Variants in LRRC4C observed in about 807,000 individuals in gnomAD.
LRRC4C encodes the protein leucine-rich repeat-containing protein 4C.
Under a neutral mutation model 33.6 loss-of-function variants are expected in LRRC4C, and 5 were observed. The ratio of observed to expected loss-of-function variants is 0.15; its 90% CI spans 0.08 to 0.31. The LOEUF is 0.31. Ranked by LOEUF, LRRC4C falls within the 10% of genes least tolerant of loss-of-function variation. The pLI is 1.00. For missense variants in LRRC4C, 560 were observed against 796.7 expected, an observed-to-expected ratio of 0.70 and a Z score of 3.58; for synonymous variants, 329 against 302.0, an observed-to-expected ratio of 1.09 and a Z score of -0.93.
intron 2 of LRRC4C, among the ~76,000 whole-genome samples, chr11:40,714,408 G>T (rs11036034): frequency 6.6e-6 from 1 of 151,914 alleles, no homozygotes; most frequent in Non-Finnish European, 1.5e-5. Context: ...ATCTCACAGC[G>T]TGCCTTGGAC....
At chr11:40,803,489 A>G (rs761058708) in intron 2 of LRRC4C, among the ~76,000 whole-genome samples, 1 of 152,180 alleles carries the variant, frequency 6.6e-6, no homozygotes, top group Non-Finnish European at 1.5e-5. Flanking sequence ...GGTTCAATAA[A>G]ATGCATCATC....
chr11:40,999,733 A>G (rs1426617416), intron 1 of LRRC4C, among the ~76,000 whole-genome samples: 5 of 152,190 alleles, frequency 3.3e-5, no homozygotes, highest in African/African-American at 1.2e-4. Context: ...CATGGCAACA[A>G]GCAATGAAAA....
chr11:40,218,533 A>G (rs1590738837), intron 5 of LRRC4C, among the ~76,000 whole-genome samples: 1 of 152,256 alleles, frequency 6.6e-6, no homozygotes, highest in East Asian at 1.9e-4. Flanking sequence ...CAGAGGAACT[A>G]AGAGACCCAT....
chr11:40,411,610 G>A (rs1950158663), intron 3 of LRRC4C, among the ~76,000 whole-genome samples: 1 of 152,008 alleles, frequency 6.6e-6, no homozygotes, highest in African/African-American at 2.4e-5. Context: ...AATACAAAAT[G>A]TGTATAAATT....
At chr11:40,504,310 C>T (rs1954926048) in intron 3 of LRRC4C, among the ~76,000 whole-genome samples, 2 of 152,150 alleles carry the variant, frequency 1.3e-5, no homozygotes, top group Admixed American at 6.6e-5. Context: ...GTATATTAAC[C>T]TTTCCAACAG....
At chr11:41,225,133 G>T (rs1947472836) in intron 1 of LRRC4C, among the ~76,000 whole-genome samples, 1 of 152,082 alleles carries the variant, frequency 6.6e-6, no homozygotes, top group South Asian at 2.1e-4. Context: ...AGGTTGGGGA[G>T]GCCGGGTAGG....
At chr11:40,855,413 T>C (rs1591901277) in intron 2 of LRRC4C, among the ~76,000 whole-genome samples, 3 of 152,238 alleles carry the variant, frequency 2.0e-5, no homozygotes, top group Admixed American at 6.5e-5. Flanking sequence ...TCAATTTTTG[T>C]TTTGCCTTAT....
chr11:41,327,655 G>A (rs1951163030), intron 1 of LRRC4C, among the ~76,000 whole-genome samples: 1 of 152,146 alleles, frequency 6.6e-6, no homozygotes, highest in South Asian at 2.1e-4. Context: ...ATCTCATCTT[G>A]AATTGGAGCT....
intron 4 of LRRC4C, among the ~76,000 whole-genome samples, chr11:40,300,022 T>C (rs904680830): frequency 1.3e-5 from 2 of 152,152 alleles, no homozygotes; most frequent in Non-Finnish European, 2.9e-5. Context: ...GGAAGCATGG[T>C]AGCATATGCT....
At chr11:40,397,664 A>G (rs1160715223) in intron 3 of LRRC4C, among the ~76,000 whole-genome samples, 1 of 152,142 alleles carries the variant, frequency 6.6e-6, no homozygotes, top group African/African-American at 2.4e-5. Flanking sequence ...CTGTTTCTAC[A>G]TAGAATGAAG....
intron 2 of LRRC4C, among the ~76,000 whole-genome samples, chr11:40,865,511 G>GTATATA (rs68153820): frequency 0.014 from 2,075 of 147,022 alleles, 24 homozygotes; most frequent in Middle Eastern, 0.025. Context: ...TCCACAGTGT[G>GTATATA]TATATATATA....
intron 2 of LRRC4C, among the ~76,000 whole-genome samples, chr11:40,854,137 C>T (rs749063656): frequency 5.9e-5 from 9 of 152,136 alleles, no homozygotes; most frequent in Non-Finnish European, 1.2e-4. Context: ...TAAAGAATAG[C>T]CAGTTGTCAC....
chr11:41,116,305 C>G (rs1178912081), intron 1 of LRRC4C, among the ~76,000 whole-genome samples: 1 of 152,072 alleles, frequency 6.6e-6, no homozygotes, highest in African/African-American at 2.4e-5. Flanking sequence ...CATAAAATAC[C>G]TAGCTCATAG....
chr11:41,097,966 C>G (rs1004053826), intron 1 of LRRC4C, among the ~76,000 whole-genome samples: 1 of 151,962 alleles, frequency 6.6e-6, no homozygotes, highest in African/African-American at 2.4e-5. Flanking sequence ...TATCTCATTG[C>G]TTTCCTCCGT....
chr11:40,675,210 C>T (rs759799092), intron 2 of LRRC4C, among the ~76,000 whole-genome samples: 17 of 151,590 alleles, frequency 1.1e-4, no homozygotes, highest in African/African-American at 2.4e-4. Flanking sequence ...CTAGGTGGGG[C>T]GGAAAAGCCA....
At chr11:40,155,308 A>G (rs1213902599) in intron 5 of LRRC4C, among the ~76,000 whole-genome samples, 1 of 152,128 alleles carries the variant, frequency 6.6e-6, no homozygotes, top group Non-Finnish European at 1.5e-5. Context: ...AACTAGAAAA[A>G]GAAGAACAAA....
At chr11:40,526,038 A>G (rs941903077) in intron 3 of LRRC4C, among the ~76,000 whole-genome samples, 2 of 152,216 alleles carry the variant, frequency 1.3e-5, no homozygotes, top group Admixed American at 6.5e-5. Flanking sequence ...TCCATATGAA[A>G]GAAAACATTC....
chr11:40,938,548 G>A (rs998002427), intron 1 of LRRC4C, among the ~76,000 whole-genome samples: 1 of 152,124 alleles, frequency 6.6e-6, no homozygotes, highest in Non-Finnish European at 1.5e-5. Context: ...TTGTATAAAT[G>A]TATTTGAAAA....
At chr11:40,239,258 C>T (rs538256701) in intron 5 of LRRC4C, among the ~76,000 whole-genome samples, 4 of 152,204 alleles carry the variant, frequency 2.6e-5, no homozygotes, top group African/African-American at 9.6e-5. Flanking sequence ...CTCAAACTGC[C>T]TTATATTTGG....
Sources: allele counts gnomAD v4.1 joint callset (sites outside exome capture counted in the v4.1 genomes callset), GRCh38; gene constraint gnomAD v4.1.1; transcripts MANE v1.5; gene names NCBI Gene and HGNC (gene_info 2026-07-23, HGNC 2026-07-21).